DHX57: variants seen among roughly 807,000 people sequenced by gnomAD.
DHX57 encodes the protein putative ATP-dependent RNA helicase DHX57.
Under a neutral mutation model 156.2 loss-of-function variants are expected in DHX57, and 105 were observed. That is an observed-to-expected ratio of 0.67 (90% CI 0.57 to 0.79). The LOEUF (loss-of-function observed/expected upper bound fraction) is 0.79. Ranked by LOEUF, DHX57 falls within the 30% of genes least tolerant of loss-of-function variation. DHX57 has a pLI of 0.00. For missense variants in DHX57, 1,847 were observed against 1,661.9 expected (o/e 1.11, Z -1.94); for synonymous variants, 704 against 595.6 (o/e 1.18, Z -2.65).
intron 15 of DHX57, 65 bp from the exon 16 acceptor site, chr2:38,826,112 T>C: frequency 6.6e-7 from 1 of 1,505,922 alleles, no homozygotes; most frequent in Non-Finnish European, 9.0e-7. Context: ...CTGCTTGCTA[T>C]GGACAGAATA....
chr2:38,854,273 T>C (rs1672765195), intron 8 of DHX57, 95 bp from the exon 9 acceptor site: 2 of 1,301,798 alleles, frequency 1.5e-6, no homozygotes, highest in Non-Finnish European at 2.1e-6. Context: ...TGATAAAAAA[T>C]ATTGGAAACA....
chr2:38,810,515 G>A (rs1375525441), intron 21 of DHX57: 6 of 557,476 alleles, frequency 1.1e-5, no homozygotes, highest in South Asian at 4.3e-5. Context: ...TGGTGTCACC[G>A]ACTGGCTGGC....
At chr2:38,828,541 T>A in intron 13 of DHX57, 105 bp from the exon 14 acceptor site, 1 of 723,982 alleles carries the variant, frequency 1.4e-6, no homozygotes, top group Non-Finnish European at 2.1e-6. Context: ...AATGAAAAAC[T>A]AATATAGATT....
chr2:38,856,369 G>C lies in DHX57; in HGVS notation c.1680C>G (p.His560Gln). ...RETILNLLRK[H>Q]QVVVISGMTG... ...TCATACCACTTATGACAACCACCTG[G>C]TGCTTACGCAATAAGTTAAGAATGG... The change falls in exon 7 of 24, where the codon CAC becomes CAG. Residue 560 changes from histidine (H) to glutamine (Q), a missense_variant. Coordinates refer to ENST00000457308, the MANE Select transcript of DHX57 (RefSeq NM_198963.3). The C allele has an allele frequency of 6.2e-7, 1 of 1,612,972 alleles. No homozygotes were observed. Among genetic ancestry groups the C allele is most frequent in the Admixed American group, 1.7e-5 (1 of 59,812 alleles).
intron 22 of DHX57, among the ~76,000 whole-genome samples, chr2:38,804,565 T>G (rs530737603): frequency 2.0e-5 from 3 of 151,974 alleles, no homozygotes; most frequent in Non-Finnish European, 4.4e-5. Flanking sequence ...CCTCCAATGG[T>G]GTCCAAGGAT....
At chr2:38,869,315 C>T (rs1665246816) in intron 1 of DHX57, among the ~76,000 whole-genome samples, 1 of 152,128 alleles carries the variant, frequency 6.6e-6, no homozygotes, top group Admixed American at 6.5e-5. Context: ...AAGTTCAAAC[C>T]TAAAGGTGCT....
chr2:38,830,542 T>A (rs1302093274), intron 13 of DHX57, among the ~76,000 whole-genome samples: 1 of 151,450 alleles, frequency 6.6e-6, no homozygotes, highest in Admixed American at 6.6e-5. Context: ...GGCACGAGAA[T>A]CACTTGAACC....
At chr2:38,866,840 C>T (rs573164070) in intron 2 of DHX57, among the ~76,000 whole-genome samples, 3 of 152,268 alleles carry the variant, frequency 2.0e-5, no homozygotes, top group East Asian at 3.9e-4. Context: ...GCAGGAGAAT[C>T]GCTTGAGCCC....
intron 22 of DHX57, among the ~76,000 whole-genome samples, chr2:38,805,175 T>C (rs1458308773): frequency 1.3e-5 from 2 of 151,618 alleles, no homozygotes; most frequent in Non-Finnish European, 2.9e-5. Flanking sequence ...AAGGAGGGGG[T>C]GTGGAGCTAA....
At chr2:38,832,851 T>G (rs961248061) in intron 13 of DHX57, among the ~76,000 whole-genome samples, 5 of 152,028 alleles carry the variant, frequency 3.3e-5, no homozygotes, top group African/African-American at 4.8e-5. Context: ...ATAAAGTAAT[T>G]TTTTGATCTA....
rs192103478 is a variant in DHX57, at chr2:38,813,035, A to T, written c.3681+786T>A. ...GCTAATTTTTGTATTTTTAGTAGAT[A>T]CAGGGTTTCACCATGTTAGCCAGGA... is the stretch of plus-strand genomic sequence containing the variant. On this transcript the variant is annotated intron_variant, in intron 21 of 23. Transcript: ENST00000457308. 2.3e-3 allele frequency among the ~76,000 whole-genome samples: 356 copies of T among 151,936 alleles called. 1 individual carries two copies. Among genetic ancestry groups the T allele is most frequent in the Non-Finnish European group, 4.0e-3 (271 of 68,010 alleles).
rs1665189686 is a variant in DHX57 at position 38,868,362 on chromosome 2, C to A, written c.44G>T (p.Gly15Val). ...VRRKGKPGKG[G>V]GKGSSRGGRG... ...TCCTCCTCTAGAAGACCCTTTTCCA[C>A]CTCCTTTGCCTGGCTTGCCTTTTCT... The change falls in exon 2 of 24, where the codon GGT (glycine) becomes GTT (valine). Residue 15 changes from glycine to valine, a missense_variant. Transcript: ENST00000457308. 1.5e-5 allele frequency: 24 copies of A among 1,613,730 alleles called. No individual in the cohort carries two copies. Among genetic ancestry groups the A allele is most frequent in the Non-Finnish European group, 2.0e-5 (24 of 1,180,024 alleles).
At chr2:38,840,384 A>ATT (rs752426209) in intron 12 of DHX57, among the ~76,000 whole-genome samples, 61 of 142,998 alleles carry the variant, frequency 4.3e-4, no homozygotes, top group African/African-American at 1.5e-3. Context: ...AATTCAAGGC[A>ATT]TTTTTTTTTT....
At chr2:38,831,352 G>A (rs1443842329) in intron 13 of DHX57, among the ~76,000 whole-genome samples, 17 of 141,678 alleles carry the variant, frequency 1.2e-4, no homozygotes, top group African/African-American at 2.6e-4. Flanking sequence ...ACGAAGTCTC[G>A]CTCTTGTCCC....
intron 6 of DHX57, chr2:38,857,255 G>C (rs1350583496): frequency 6.5e-6 from 1 of 152,746 alleles, no homozygotes; most frequent in Non-Finnish European, 1.5e-5. Flanking sequence ...GTAGCTCTAA[G>C]CAATATCAGA....
chr2:38,806,758 G>C, intron 21 of DHX57, 65 bp from the exon 22 acceptor site: 1 of 1,494,194 alleles, frequency 6.7e-7, no homozygotes, highest in Non-Finnish European at 9.0e-7. Flanking sequence ...AGTATCTCTT[G>C]GCACAAAAGC....
chr2:38,826,765 T>C, intron 14 of DHX57, 76 bp from the exon 15 acceptor site: 1 of 1,483,860 alleles, frequency 6.7e-7, no homozygotes. Flanking sequence ...GAATTTCTAC[T>C]AAAACCAACA....
At chr2:38,829,598 T>G (rs1024825966) in intron 13 of DHX57, among the ~76,000 whole-genome samples, 2 of 152,084 alleles carry the variant, frequency 1.3e-5, no homozygotes, top group South Asian at 2.1e-4. Flanking sequence ...TTTTTTATTT[T>G]TTTAGAGATG....
intron 21 of DHX57, among the ~76,000 whole-genome samples, chr2:38,809,341 T>A (rs2148537264): frequency 6.6e-6 from 1 of 151,950 alleles, no homozygotes; most frequent in East Asian, 1.9e-4. Flanking sequence ...CCCAAGCTGG[T>A]CTCAAACTCC....
Sources: allele counts gnomAD v4.1 joint callset (sites outside exome capture counted in the v4.1 genomes callset), GRCh38; gene constraint gnomAD v4.1.1; transcripts MANE v1.5; gene names NCBI Gene and HGNC (gene_info 2026-07-23, HGNC 2026-07-21).